Variants in NPAS3 observed in about 807,000 individuals in gnomAD.
The protein encoded by NPAS3 is neuronal PAS domain-containing protein 3.
NPAS3 carries 14 observed loss-of-function variants against 73.1 expected under a neutral mutation model. The ratio of observed to expected loss-of-function variants is 0.19; its 90% confidence interval spans 0.13 to 0.30. The LOEUF is 0.30. Ranked by LOEUF, NPAS3 falls within the 10% of genes least tolerant of loss-of-function variation. The pLI is 1.00. For synonymous variants in NPAS3, 620 were observed against 541.5 expected (o/e 1.14, Z -2.01); for missense variants, 1,096 against 1,250.0 (o/e 0.88, Z 1.86).
rs111951049 is a variant in NPAS3 at position 33,157,070 on chromosome 14, G to T, written c.141-58112G>T. Among the ~76,000 whole-genome samples, 844 of 152,202 alleles carry T rather than the reference G, an allele frequency of 5.5e-3. 7 individuals are homozygous for T. The highest frequency in any genetic ancestry group is 0.02 in the African/African-American group (814 of 41,546). On this transcript the variant is annotated intron_variant, in intron 2 of 11. Coordinates refer to ENST00000356141, the Ensembl canonical transcript of NPAS3. ...CTAGTGAATTTAGAAAGGGGAAAAAGAATATAGCACTCAAACCATCAAAAA... is the reference window on the plus strand; with the variant it reads ...CTAGTGAATTTAGAAAGGGGAAAAATAATATAGCACTCAAACCATCAAAAA...
chr14:33,055,460 AT>A (rs2040856018), intron 1 of NPAS3, among the ~76,000 whole-genome samples: 1 of 152,238 alleles, frequency 6.6e-6, no homozygotes, highest in African/African-American at 2.4e-5. Flanking sequence ...GAGCTGAAAA[AT>A]ATATTAACTC....
intron 1 of NPAS3, among the ~76,000 whole-genome samples, chr14:33,026,207 T>C (rs958725385): frequency 5.3e-5 from 8 of 152,210 alleles, no homozygotes; most frequent in African/African-American, 1.9e-4. Context: ...CCATAGCTAG[T>C]CTTCTGGCTG....
At chr14:33,534,983 G>T (rs761149775) in intron 4 of NPAS3, among the ~76,000 whole-genome samples, 1 of 152,130 alleles carries the variant, frequency 6.6e-6, no homozygotes, top group Non-Finnish European at 1.5e-5. Context: ...GAACATATTA[G>T]CAAGGAGCAG....
chr14:33,799,741 C>A (rs563038799), exon 12 of NPAS3: 9 of 1,567,282 alleles, frequency 5.7e-6, no homozygotes, highest in Non-Finnish European at 7.8e-6. Flanking sequence ...CAGAGGACAA[C>A]GAGAACTCCA....
intron 4 of NPAS3, among the ~76,000 whole-genome samples, chr14:33,558,981 G>A (rs2055502533): frequency 6.6e-6 from 1 of 151,994 alleles, no homozygotes; most frequent in Non-Finnish European, 1.5e-5. Flanking sequence ...GGTGTAGGAT[G>A]CACTGGATTG....
At position 33,468,614 on chromosome 14, in the gene NPAS3, T is replaced by C. The variant is rs114647324; in HGVS notation, c.469-91507T>C. ...ATTCAGAAAACTGCTTCTCAGCAGG[T>C]TTAACTCATACTCTTTCTGGATGGA... On this transcript the variant is annotated intron_variant, in intron 4 of 11. Transcript: ENST00000356141. 7.6e-3 allele frequency among the ~76,000 whole-genome samples: 1,159 copies of C among 152,310 alleles called. 18 individuals carry two copies. The highest frequency in any genetic ancestry group is 0.027 in the African/African-American group (1,109 of 41,566).
intron 4 of NPAS3, among the ~76,000 whole-genome samples, chr14:33,375,089 G>A (rs1025083128): frequency 2.0e-5 from 3 of 152,150 alleles, no homozygotes; most frequent in Admixed American, 6.6e-5. Context: ...TGCTAAAGTG[G>A]TATCCTGCTG....
intron 5 of NPAS3, among the ~76,000 whole-genome samples, chr14:33,664,692 G>A (rs1244614115): frequency 7.9e-5 from 12 of 152,194 alleles, no homozygotes; most frequent in Admixed American, 7.9e-4. Flanking sequence ...TCAAAAAGTA[G>A]GCAAAGGATA....
chr14:33,382,911 C>T (rs1160913499), intron 4 of NPAS3, among the ~76,000 whole-genome samples: 2 of 151,836 alleles, frequency 1.3e-5, no homozygotes, highest in Non-Finnish European at 2.9e-5. Context: ...GGCAACCTGG[C>T]AATACCTCAT....
At chr14:33,350,817 A>G (rs2045007597) in intron 3 of NPAS3, among the ~76,000 whole-genome samples, 2 of 152,338 alleles carry the variant, frequency 1.3e-5, no homozygotes, top group African/African-American at 4.8e-5. Context: ...GTACATACTC[A>G]TTAGAGACAG....
At chr14:33,344,453 T>C (rs2140321970) in intron 3 of NPAS3, among the ~76,000 whole-genome samples, 1 of 152,324 alleles carries the variant, frequency 6.6e-6, no homozygotes, top group Non-Finnish European at 1.5e-5. Flanking sequence ...TTTCATTTGC[T>C]GTAATCCCAA....
intron 5 of NPAS3, among the ~76,000 whole-genome samples, chr14:33,570,561 G>C (rs995659710): frequency 1.3e-5 from 2 of 152,134 alleles, no homozygotes; most frequent in African/African-American, 4.8e-5. Flanking sequence ...ACGTTGCCGG[G>C]TTTGCAAAGA....
intron 2 of NPAS3, among the ~76,000 whole-genome samples, chr14:33,210,919 G>A (rs1047759994): frequency 6.6e-6 from 1 of 152,132 alleles, no homozygotes; most frequent in Non-Finnish European, 1.5e-5. Flanking sequence ...GTAATAAAAG[G>A]AAAAATGTGT....
At chr14:33,183,421 GTTTTTTTTTTTT>G (rs55643715) in intron 2 of NPAS3, among the ~76,000 whole-genome samples, 1,783 of 60,646 alleles carry the variant, frequency 0.029, 25 homozygotes, top group South Asian at 0.037. Flanking sequence ...GTGAGACTCT[GTTTTTTTTTTTT>G]TTTTTTTTTT....
chr14:33,761,427 C>T (rs1411018576), intron 7 of NPAS3, among the ~76,000 whole-genome samples: 4 of 151,440 alleles, frequency 2.6e-5, no homozygotes, highest in Non-Finnish European at 5.9e-5. Flanking sequence ...GAGCCATATG[C>T]TTTCAAGTTT....
intron 7 of NPAS3, among the ~76,000 whole-genome samples, chr14:33,758,896 T>C (rs1274060334): frequency 1.3e-5 from 2 of 152,242 alleles, no homozygotes; most frequent in Non-Finnish European, 2.9e-5. Flanking sequence ...TTAAGTGGCA[T>C]GTTGGTAAAA....
At chr14:33,653,846 A>G (rs2059068802) in intron 5 of NPAS3, among the ~76,000 whole-genome samples, 1 of 152,210 alleles carries the variant, frequency 6.6e-6, no homozygotes, top group Non-Finnish European at 1.5e-5. Context: ...GTTTTAGGTA[A>G]ACCATTTTAT....
intron 2 of NPAS3, among the ~76,000 whole-genome samples, chr14:33,195,616 A>G (rs2046324753): frequency 6.6e-6 from 1 of 152,238 alleles, no homozygotes. Context: ...TAACCTTTGT[A>G]TAAACCACAC....
At chr14:33,737,691 G>T (rs2061557695) in intron 7 of NPAS3, among the ~76,000 whole-genome samples, 1 of 152,116 alleles carries the variant, frequency 6.6e-6, no homozygotes, top group Non-Finnish European at 1.5e-5. Context: ...AAAGTTAGTG[G>T]AAGAGCTGAG....
Sources: gnomAD v4.1 joint callset for allele counts (sites outside exome capture counted in the v4.1 genomes callset) on GRCh38, gnomAD v4.1.1 for gene constraint, MANE v1.5 for transcripts, NCBI Gene and HGNC (gene_info 2026-07-23, HGNC 2026-07-21) for gene names.